The following FAM118B variants were observed in gnomAD, a reference collection of about 807,000 sequenced individuals.
The protein encoded by FAM118B is SIR2 antiphage like 1, also known as protein FAM118B.
In FAM118B, 24 loss-of-function variants were observed where a neutral mutation model predicts 38.5. That is an observed-to-expected ratio of 0.62 (90% CI 0.45 to 0.88). The LOEUF (loss-of-function observed/expected upper bound fraction) is 0.88, where lower values mean the gene tolerates loss of function less well. FAM118B is among the 40% of genes least tolerant of loss of function. The pLI is 0.00. For synonymous variants in FAM118B, 138 were observed against 156.3 expected (o/e 0.88, Z 0.87); for missense variants, 334 against 420.0 (o/e 0.80, Z 1.79).
intron 6 of FAM118B, 96 bp downstream of exon 6, chr11:126,254,529 T>A: frequency 6.6e-7 from 1 of 1,517,472 alleles, no homozygotes; most frequent in Non-Finnish European, 9.0e-7. Context: ...TTCTTTTCAT[T>A]AAGTGAAAAC....
In FAM118B at chr11:126,256,750, C is replaced by T. The variant is rs919289605; in HGVS notation, c.880C>T (p.Leu294=). 1.9e-6 allele frequency: 3 copies of T among 1,614,102 alleles called. No individual in the cohort carries two copies. Among genetic ancestry groups the T allele is most frequent in the Non-Finnish European group, 2.5e-6 (3 of 1,180,010 alleles). The change falls in exon 7 of 9, where the codon CTG becomes TTG. Residue 294 remains leucine, a synonymous_variant. Coordinates refer to ENST00000533050, the MANE Select transcript of FAM118B (RefSeq NM_024556.4). This position sits in a 1 kb window ranked among gnomAD's most constrained non-coding sequence, Gnocchi z 6.6. ...GTTCAAAAAGCTTCGAGAAAACATGCTGGACAAGGGGATTAAAGTCATCTC... is the reference window on the plus strand; with the variant it reads ...GTTCAAAAAGCTTCGAGAAAACATGTTGGACAAGGGGATTAAAGTCATCTC... ...DEFKKLRENM[L]DKGIKVISYG...
chr11:126,236,110 G>C, intron 3 of FAM118B, among the ~76,000 whole-genome samples: 1 of 152,084 alleles, frequency 6.6e-6, no homozygotes, highest in Non-Finnish European at 1.5e-5. Flanking sequence ...GTCCTGTTGC[G>C]TTCCTGATAT....
chr11:126,229,828 C>G (rs977674749), intron 2 of FAM118B, among the ~76,000 whole-genome samples: 1 of 152,222 alleles, frequency 6.6e-6, no homozygotes, highest in African/African-American at 2.4e-5. Context: ...GGTTTTTCTT[C>G]TCAATCCTTA....
At position 126,214,517 on chromosome 11, in the gene FAM118B, T is replaced by G. The variant is rs1258411959; in HGVS notation, c.-77+2687T>G. 4.1e-3 allele frequency: 389 copies of G among 95,472 alleles called. 18 individuals carry two copies. The highest frequency in any genetic ancestry group is 0.014 in the African/African-American group (353 of 25,764). The allele number at this position is 95,472 out of a possible 1,614,324, so 5.9% of individuals were successfully genotyped here. A position where few individuals can be genotyped will look rare whatever the true frequency, so the allele number is the denominator to read the frequency against. ...TTTTTTTTTTTGTTTTTTTTTTGTTTTTTTTTTTTTACCTCTATATTGCCT... is the reference window on the plus strand; with the variant it reads ...TTTTTTTTTTTGTTTTTTTTTTGTTGTTTTTTTTTTACCTCTATATTGCCT... On this transcript the variant is annotated intron_variant, in intron 1 of 8. Transcript: ENST00000533050.
rs1196492343 is a variant in FAM118B at position 126,253,854 on chromosome 11, A to T, written c.568-451A>T. Among the ~76,000 whole-genome samples the T allele has an allele frequency of 6.6e-6, 1 of 152,166 alleles. No individual in the cohort carries two copies. The highest frequency in any genetic ancestry group is 2.4e-5 in the African/African-American group (1 of 41,444). On this transcript the variant is annotated intron_variant, in intron 5 of 8. Coordinates refer to ENST00000533050, the MANE Select transcript of FAM118B (RefSeq NM_024556.4). The surrounding 1 kb of genome is among the most constrained non-coding windows in gnomAD (Gnocchi z 5.1). ...GAGAAGTAAGACTTCTTGTGCCAAC[A>T]CTTTTCAAGCTTCTGCTTGTGTGTG...
chr11:126,262,398 A>C lies in FAM118B; in HGVS notation c.*265A>C, dbSNP rs1950719571. ...GCTCCCAACCCACTCCCCAGGCTAG[A>C]CATGCTTGTGTCCACACAGCACACC... On this transcript the variant is annotated 3_prime_UTR_variant, in exon 9 of 9. Coordinates refer to ENST00000533050, the MANE Select transcript of FAM118B (RefSeq NM_024556.4). The C allele has an allele frequency of 1.9e-6, 1 of 536,602 alleles. No individual in the cohort carries two copies. Among genetic ancestry groups the C allele is most frequent in the Non-Finnish European group, 3.3e-6 (1 of 301,718 alleles). The allele number at this position is 536,602 out of a possible 1,614,324, so 33.2% of individuals were successfully genotyped here.
At position 126,250,690 on chromosome 11, in the gene FAM118B, A is replaced by G. The variant is rs1468501499; in HGVS notation, c.524A>G (p.Gln175Arg). Residue 175 changes from glutamine (Q) to arginine (R), a missense_variant, in exon 5 of 9, where the codon CAG (glutamine) becomes CGG (arginine). Gln to Arg is a conservative substitution (Grantham distance 43). This residue lies in a region of FAM118B where 240 missense variants were observed against 295.9 expected (regional missense o/e 0.81). Coordinates refer to ENST00000533050, the MANE Select transcript of FAM118B (RefSeq NM_024556.4). The surrounding 1 kb of genome is among the most constrained non-coding windows in gnomAD (Gnocchi z 5.1). The stretch of plus-strand genomic sequence containing the variant: ...CTCTTGGAACTGTATGCAGCAGATC[A>G]GGGGAAACAGCTTGAATCCCTTGAC... ...DNLLELYAAD[Q>R]GKQLESLDLT... 6.2e-7 allele frequency: 1 copy of G among 1,614,134 alleles called. No homozygotes were observed. The highest frequency in any genetic ancestry group is 8.5e-7 in the Non-Finnish European group (1 of 1,179,976).
At chr11:126,214,998 A>G (rs563805876) in intron 1 of FAM118B, among the ~76,000 whole-genome samples, 28 of 152,320 alleles carry the variant, frequency 1.8e-4, no homozygotes, top group African/African-American at 6.3e-4. Context: ...TTCCTTGAAG[A>G]GCAGGAAGTA....
intron 8 of FAM118B, among the ~76,000 whole-genome samples, chr11:126,261,698 A>G (rs1045661216): frequency 2.0e-5 from 3 of 152,210 alleles, no homozygotes; most frequent in Non-Finnish European, 4.4e-5. Flanking sequence ...AATTTTTTGA[A>G]AAAAGTACTG....
intron 7 of FAM118B, 89 bp from the exon 8 acceptor site, chr11:126,261,336 A>G (rs1950693348): frequency 7.8e-6 from 8 of 1,022,908 alleles, no homozygotes; most frequent in East Asian, 2.4e-5. Context: ...CAGTCGTACC[A>G]TATGTCCTCA....
chr11:126,215,727 G>A (rs985180731), intron 1 of FAM118B, among the ~76,000 whole-genome samples: 1 of 145,532 alleles, frequency 6.9e-6, no homozygotes, highest in African/African-American at 2.5e-5. Context: ...TGTCCTAAAT[G>A]GGGGTGGGGT....
In FAM118B at chr11:126,262,280, A is replaced by T; in HGVS notation, c.*147A>T. 1 of 639,328 alleles carries T rather than the reference A, an allele frequency of 1.6e-6. No homozygotes were observed. Among genetic ancestry groups the T allele is most frequent in the Non-Finnish European group, 2.7e-6 (1 of 376,348 alleles). 39.6% of individuals were successfully genotyped at this position (639,328 alleles called of 1,614,324 possible). On this transcript the variant is annotated 3_prime_UTR_variant, in exon 9 of 9. Transcript: ENST00000533050. ...GAAGGGCGGGGTAGAAGAGGGGGGA[A>T]TGTTGCAGCGTAATCCTTCATACCA...
intron 7 of FAM118B, 67 bp from the exon 8 acceptor site, chr11:126,261,358 T>C (rs1950694052): frequency 7.4e-6 from 10 of 1,352,436 alleles, no homozygotes; most frequent in Non-Finnish European, 8.5e-6. Context: ...CTCCCTTTAG[T>C]TTTCTTTTTG....
intron 1 of FAM118B, among the ~76,000 whole-genome samples, chr11:126,228,722 G>T (rs1950173636): frequency 6.6e-6 from 1 of 151,888 alleles, no homozygotes; most frequent in Admixed American, 6.6e-5. Flanking sequence ...ACCACACCCA[G>T]CTAATTTTTT....
chr11:126,230,453 T>C (rs1163501572), intron 2 of FAM118B, among the ~76,000 whole-genome samples: 1 of 152,220 alleles, frequency 6.6e-6, no homozygotes, highest in African/African-American at 2.4e-5. Context: ...GAAATGAAGT[T>C]AACCCTTTTC....
chr11:126,225,144 T>TA (rs1249231510), intron 1 of FAM118B, among the ~76,000 whole-genome samples: 1 of 152,172 alleles, frequency 6.6e-6, no homozygotes, highest in African/African-American at 2.4e-5. Context: ...CTTGGCATCT[T>TA]AAGAGAGGCA....
At chr11:126,261,068 T>C (rs911894778) in intron 7 of FAM118B, 8 of 183,790 alleles carry the variant, frequency 4.4e-5, no homozygotes, top group Non-Finnish European at 9.0e-5. Context: ...TCACATGCCA[T>C]TTGCCCATCC....
Position 126,262,807 on chromosome 11 carries a change from G to A in FAM118B, c.*674G>A, listed in dbSNP as rs1198323535. The A allele has an allele frequency of 2.0e-5, 3 of 152,562 alleles. No homozygotes were observed. Among genetic ancestry groups the A allele is most frequent in the Admixed American group, 2.0e-4 (3 of 15,280 alleles). 9.5% of individuals were successfully genotyped at this position (152,562 alleles called of 1,614,324 possible). The stretch of plus-strand genomic sequence containing the variant: ...TCTCAGGACAACCGTTTACTTACCT[G>A]ATTCCTCGGAGCATTATCAACTTCT... On this transcript the variant is annotated 3_prime_UTR_variant, in exon 9 of 9. Transcript: ENST00000533050.
chr11:126,233,368 A>G (rs1304449220), intron 2 of FAM118B, among the ~76,000 whole-genome samples: 3 of 152,060 alleles, frequency 2.0e-5, no homozygotes, highest in Non-Finnish European at 4.4e-5. Flanking sequence ...CCAGCTACTC[A>G]GGAGGCTGAG....
Sources: allele counts gnomAD v4.1 joint callset (sites outside exome capture counted in the v4.1 genomes callset), GRCh38; gene constraint gnomAD v4.1.1; regional missense constraint gnomAD v4.1.1; non-coding constraint Gnocchi (gnomAD v3.1); transcripts MANE v1.5; gene names NCBI Gene and HGNC (gene_info 2026-07-23, HGNC 2026-07-21).